Variants in RBMS3 observed in about 807,000 individuals in gnomAD.
RBMS3 encodes the protein RNA-binding motif, single-stranded-interacting protein 3.
Under a neutral mutation model 66.8 loss-of-function variants are expected in RBMS3, and 27 were observed. The observed-to-expected ratio is 0.40, with a 90% CI of 0.30 to 0.56. The LOEUF (loss-of-function observed/expected upper bound fraction) is 0.56. Ranked by LOEUF, RBMS3 falls within the 20% of genes least tolerant of loss-of-function variation. The pLI, the probability that RBMS3 is intolerant of heterozygous loss-of-function variation, is 0.40. For synonymous variants in RBMS3, 188 were observed against 183.0 expected, an observed-to-expected ratio of 1.03 and a Z score of -0.22; for missense variants, 513 against 549.5, an observed-to-expected ratio of 0.93 and a Z score of 0.66.
At chr3:29,453,438 G>A (rs975832999) in intron 2 of RBMS3, among the ~76,000 whole-genome samples, 70 of 152,152 alleles carry the variant, frequency 4.6e-4, no homozygotes, top group African/African-American at 1.4e-3. Context: ...ACTATTTGGC[G>A]ACAAGCAGCC....
At chr3:29,800,156 T>G (rs908997912) in intron 6 of RBMS3, among the ~76,000 whole-genome samples, 13 of 152,304 alleles carry the variant, frequency 8.5e-5, no homozygotes, top group Admixed American at 2.6e-4. Context: ...ATATTCAGTT[T>G]TATTCACTCC....
intron 6 of RBMS3, among the ~76,000 whole-genome samples, chr3:29,816,287 CACAG>C: frequency 7.4e-6 from 1 of 135,868 alleles, no homozygotes; most frequent in East Asian, 2.3e-4. Context: ...TGCGCGCACA[CACAG>C]ACACACACAG....
At chr3:29,776,394 C>T (rs1456451022) in intron 6 of RBMS3, among the ~76,000 whole-genome samples, 4 of 151,868 alleles carry the variant, frequency 2.6e-5, no homozygotes, top group African/African-American at 9.7e-5. Flanking sequence ...TGTTCCGCAC[C>T]CATTAACTCG....
chr3:29,873,497 A>G (rs976297441), intron 7 of RBMS3, among the ~76,000 whole-genome samples: 1 of 152,108 alleles, frequency 6.6e-6, no homozygotes, highest in Admixed American at 6.6e-5. Context: ...GGCTGAGACT[A>G]TGGGATTTTT....
At chr3:29,828,714 A>C (rs1250114213) in intron 6 of RBMS3, among the ~76,000 whole-genome samples, 1 of 152,198 alleles carries the variant, frequency 6.6e-6, no homozygotes, top group Non-Finnish European at 1.5e-5. Context: ...AAGGTAACAG[A>C]TGTTGGATTG....
At chr3:29,635,877 A>G (rs548456638) in intron 4 of RBMS3, among the ~76,000 whole-genome samples, 48 of 151,720 alleles carry the variant, frequency 3.2e-4, no homozygotes, top group Non-Finnish European at 6.3e-4. Flanking sequence ...TCTCCTACCT[A>G]TGGGTCCAGG....
chr3:29,913,333 A>G (rs957461877), intron 10 of RBMS3, among the ~76,000 whole-genome samples: 1 of 152,034 alleles, frequency 6.6e-6, no homozygotes, highest in Non-Finnish European at 1.5e-5. Flanking sequence ...GAAATGACAG[A>G]AAAACTATAT....
intron 4 of RBMS3, among the ~76,000 whole-genome samples, chr3:29,627,004 G>A (rs772060740): frequency 6.6e-5 from 10 of 152,086 alleles, no homozygotes; most frequent in African/African-American, 1.4e-4. Flanking sequence ...TGCTACCCTC[G>A]TTCTGTCACT....
At chr3:29,780,987 T>C (rs2056610689) in intron 6 of RBMS3, among the ~76,000 whole-genome samples, 1 of 152,156 alleles carries the variant, frequency 6.6e-6, no homozygotes, top group Non-Finnish European at 1.5e-5. Context: ...TATTATACTT[T>C]AAGTTTTAGG....
intron 4 of RBMS3, among the ~76,000 whole-genome samples, chr3:29,654,367 A>G (rs2050247314): frequency 6.6e-6 from 1 of 152,266 alleles, no homozygotes; most frequent in African/African-American, 2.4e-5. Context: ...AACACATGTT[A>G]TCATGTAGGC....
chr3:29,331,488 C>T (rs2035650049), intron 1 of RBMS3, among the ~76,000 whole-genome samples: 1 of 152,276 alleles, frequency 6.6e-6, no homozygotes, highest in African/African-American at 2.4e-5. Context: ...CCTTCTCTGT[C>T]TTGTTTCCCC....
chr3:29,765,088 G>A (rs1011200186), intron 6 of RBMS3, among the ~76,000 whole-genome samples: 2 of 151,954 alleles, frequency 1.3e-5, no homozygotes, highest in Admixed American at 6.6e-5. Flanking sequence ...GGCTTCAAAT[G>A]CTAAGTAAAG....
chr3:29,562,526 T>C (rs1045775452), intron 3 of RBMS3, among the ~76,000 whole-genome samples: 3 of 152,326 alleles, frequency 2.0e-5, no homozygotes, highest in African/African-American at 7.2e-5. Context: ...GTCACCTGTG[T>C]CAAGTGAGGA....
chr3:29,648,950 C>A (rs778916864), intron 4 of RBMS3, among the ~76,000 whole-genome samples: 1 of 152,090 alleles, frequency 6.6e-6, no homozygotes, highest in South Asian at 2.1e-4. Flanking sequence ...CCCTCAGAAC[C>A]AATGCAACTT....
At position 29,607,022 on chromosome 3, in the gene RBMS3, C is replaced by G. The variant is rs79858836; in HGVS notation, c.399+19817C>G. ...AGAGAAAAAAGTACTGTTTGCTTCA[C>G]AGTTTCACTAAACCTAAATATTCTA... On this transcript the variant is annotated intron_variant, in intron 4 of 14. Transcript: ENST00000383767. Among the ~76,000 whole-genome samples the G allele has an allele frequency of 9.0e-3, 1,367 of 152,044 alleles. 33 individuals carry two copies. The highest frequency in any genetic ancestry group is 0.055 in the Admixed American group (831 of 15,218).
chr3:29,532,806 A>C (rs2045416233), intron 3 of RBMS3, among the ~76,000 whole-genome samples: 1 of 152,164 alleles, frequency 6.6e-6, no homozygotes. Flanking sequence ...GCAACTCAAA[A>C]ACACTGTAAT....
chr3:29,526,985 G>C (rs1276679207), intron 3 of RBMS3, among the ~76,000 whole-genome samples: 4 of 151,738 alleles, frequency 2.6e-5, no homozygotes, highest in Admixed American at 2.6e-4. Flanking sequence ...TTTTATTAAT[G>C]GACTCTAGTT....
At chr3:29,455,094 A>T (rs1169973306) in intron 2 of RBMS3, among the ~76,000 whole-genome samples, 1 of 152,136 alleles carries the variant, frequency 6.6e-6, no homozygotes, top group Non-Finnish European at 1.5e-5. Context: ...AGAAACTCAC[A>T]TGCATTTCAT....
rs911718711 is a variant in RBMS3, at chr3:29,369,285, A to T, written c.76-65458A>T. 2.0e-5 allele frequency among the ~76,000 whole-genome samples: 3 copies of T among 152,164 alleles called. No homozygotes were observed. The East Asian group carries it at 5.8e-4, about 30-fold the overall frequency. ...TGACACAAGTTTACCTATATAATGA[A>T]TCTGCACATGTATGCCTGAAATAAA... On this transcript the variant is annotated intron_variant, in intron 1 of 14. Transcript: ENST00000383767.
Sources: allele counts gnomAD v4.1 joint callset (sites outside exome capture counted in the v4.1 genomes callset), GRCh38; gene constraint gnomAD v4.1.1; transcripts MANE v1.5; gene names NCBI Gene and HGNC (gene_info 2026-07-23, HGNC 2026-07-21).